Variants in TOP2B observed in about 807,000 individuals in gnomAD.
TOP2B encodes the protein DNA topoisomerase 2-beta.
TOP2B carries 51 observed loss-of-function variants against 193.5 expected under a neutral mutation model. The observed-to-expected ratio is 0.26, with a 90% confidence interval of 0.21 to 0.33. The LOEUF (loss-of-function observed/expected upper bound fraction) is 0.33, where lower values mean the gene tolerates loss of function less well. Ranked by LOEUF, TOP2B falls within the 10% of genes least tolerant of loss-of-function variation. TOP2B has a pLI of 1.00. For synonymous variants in TOP2B, 634 were observed against 635.7 expected, an observed-to-expected ratio of 1.00 and a Z score of 0.04; for missense variants, 1,378 against 1,909.3, an observed-to-expected ratio of 0.72 and a Z score of 5.19.
intron 1 of TOP2B, among the ~76,000 whole-genome samples, chr3:25,654,749 C>T (rs1159554107): frequency 6.6e-6 from 1 of 152,046 alleles, no homozygotes; most frequent in African/African-American, 2.4e-5. Flanking sequence ...GAAGAGAGAG[C>T]ACAGAAATAA....
In TOP2B at chr3:25,628,939, T is replaced by C. The variant is rs1702881664; in HGVS notation, c.1814A>G (p.Lys605Arg). Residue 605 changes from lysine (K) to arginine (R), a missense_variant, in exon 15 of 36, where the codon AAG (lysine) becomes AGG (arginine). Physicochemically the swap from Lys to Arg is conservative, Grantham distance 26. Around this residue, in one of 9 missense-constraint regions of TOP2B, gnomAD observed 379 missense variants for 615.1 expected, o/e 0.62. Transcript: ENST00000264331. Reference sequence around the variant, plus strand: ...AATACTGTAGAAGGAAAGTTCCTGCTTATTTTTGCTTGCCTTAAATTAATT... The same window carrying C: ...AATACTGTAGAAGGAAAGTTCCTGCCTATTTTTGCTTGCCTTAAATTAATT... ...ITPIVKASKN[K>R]QELSFYSIPE... 6.3e-7 allele frequency: 1 copy of C among 1,598,176 alleles called. No individual in the cohort carries two copies. The highest frequency in any genetic ancestry group is 1.4e-5 in the African/African-American group (1 of 73,874).
intron 27 of TOP2B, among the ~76,000 whole-genome samples, chr3:25,613,813 T>G (rs1178521401): frequency 2.0e-5 from 3 of 152,086 alleles, no homozygotes; most frequent in Non-Finnish European, 2.9e-5. Context: ...CCCCATTTTA[T>G]AGATGAGGAA....
chr3:25,619,746 A>G (rs1252756721), intron 23 of TOP2B, 116 bp downstream of exon 23: 3 of 711,158 alleles, frequency 4.2e-6, no homozygotes, highest in South Asian at 2.0e-5. Flanking sequence ...GGGAAAAAAA[A>G]AAAAAAAAAA....
chr3:25,659,776 CTG>C lies in TOP2B; in HGVS notation c.69+4451_69+4452del, dbSNP rs772904115. ...GGTATATCCCAGATGTCTCCTTATT[CTG>C]TCTTATCAGAGTATAAAAGATGAGT... On this transcript the variant is annotated intron_variant, in intron 1 of 35. Transcript: ENST00000264331. Among the ~76,000 whole-genome samples, 6 of 152,278 alleles carry C rather than the reference CTG, an allele frequency of 3.9e-5. No homozygotes were observed. In the East Asian group the frequency reaches 7.7e-4, roughly 20 times the overall value.
chr3:25,630,380 G>T lies in TOP2B; in HGVS notation c.1495C>A (p.Arg499=). ...AGTGGAAAAACTCCGTATCTGTCTC[G>T]TCCAATCACACCTAATCCAGACACA... The part of the protein sequence containing the change: ...LAVSGLGVIG[R]DRYGVFPLRG... Residue 499 remains arginine, a synonymous_variant, in exon 12 of 36, where the codon CGA becomes AGA. Coordinates refer to ENST00000264331, the MANE Select transcript of TOP2B (RefSeq NM_001330700.2). 1 of 1,551,484 alleles carries T rather than the reference G, an allele frequency of 6.4e-7. No homozygotes were observed. Among genetic ancestry groups the T allele is most frequent in the South Asian group, 1.2e-5 (1 of 84,050 alleles).
At chr3:25,619,811 G>A (rs1033890696) in intron 23 of TOP2B, 51 bp downstream of exon 23, 36 of 1,352,044 alleles carry the variant, frequency 2.7e-5, no homozygotes, top group African/African-American at 2.6e-4. Flanking sequence ...ATAATAATCC[G>A]ACTTATACCA....
intron 1 of TOP2B, 146 bp from the exon 2 acceptor site, chr3:25,645,616 C>T: frequency 1.6e-6 from 1 of 635,682 alleles, no homozygotes; most frequent in South Asian, 2.9e-5. Context: ...GGTCTATTTA[C>T]TGACCGTCTG....
chr3:25,601,927 C>T (rs965842420), intron 33 of TOP2B, among the ~76,000 whole-genome samples: 1 of 152,102 alleles, frequency 6.6e-6, no homozygotes, highest in South Asian at 2.1e-4. Context: ...TCCTCGAATA[C>T]AATGAATAGA....
intron 30 of TOP2B, 42 bp from the exon 31 acceptor site, chr3:25,607,417 G>T: frequency 6.5e-7 from 1 of 1,535,608 alleles, no homozygotes; most frequent in Non-Finnish European, 8.8e-7. Context: ...TCAAATCCTA[G>T]CTTTGTATAC....
At chr3:25,621,075 C>G (rs1251236760) in intron 21 of TOP2B, among the ~76,000 whole-genome samples, 2 of 152,204 alleles carry the variant, frequency 1.3e-5, no homozygotes, top group Non-Finnish European at 2.9e-5. Context: ...CCTACACCTA[C>G]TTCTCTCCTA....
intron 2 of TOP2B, 44 bp downstream of exon 2, chr3:25,645,256 T>G (rs138978210): frequency 6.9e-7 from 1 of 1,444,272 alleles, no homozygotes; most frequent in South Asian, 1.5e-5. Context: ...AAAGTAAATA[T>G]AGATGCACAT....
intron 23 of TOP2B, among the ~76,000 whole-genome samples, 168 bp downstream of exon 23, chr3:25,619,694 G>C (rs1275109696): frequency 8.5e-6 from 1 of 117,314 alleles, no homozygotes; most frequent in Admixed American, 9.8e-5. Flanking sequence ...AATACTAGAA[G>C]AAAGAAATGT....
intron 5 of TOP2B, 62 bp from the exon 6 acceptor site, chr3:25,637,374 T>G (rs1575579283): frequency 2.4e-6 from 3 of 1,254,038 alleles, no homozygotes; most frequent in East Asian, 5.1e-5. Context: ...CTTCGTTAAT[T>G]TACCACCATA....
chr3:25,613,075 A>G (rs1350410325), intron 27 of TOP2B, among the ~76,000 whole-genome samples: 1 of 152,198 alleles, frequency 6.6e-6, no homozygotes, highest in Non-Finnish European at 1.5e-5. Flanking sequence ...TCTGCTAATA[A>G]GTATGAAGTT....
intron 1 of TOP2B, 58 bp downstream of exon 1, chr3:25,664,171 C>T (rs1227776128): frequency 1.2e-5 from 18 of 1,534,602 alleles, no homozygotes; most frequent in Non-Finnish European, 1.6e-5. Flanking sequence ...TTCGGAATTC[C>T]GCCCCCGCCG....
chr3:25,642,126 C>T (rs914468025), intron 4 of TOP2B, among the ~76,000 whole-genome samples, 196 bp downstream of exon 4: 5 of 152,040 alleles, frequency 3.3e-5, no homozygotes, highest in African/African-American at 4.8e-5. Context: ...AAATGGTCTC[C>T]AAGAGCCCCG....
rs1200636968 is a variant in TOP2B, at chr3:25,664,343, C to G, written c.-46G>C. 1.4e-6 allele frequency: 2 copies of G among 1,428,052 alleles called. No homozygotes were observed. The highest frequency in any genetic ancestry group is 1.8e-6 in the Non-Finnish European group (2 of 1,100,954). 88.5% of individuals were successfully genotyped at this position (1,428,052 alleles called of 1,614,324 possible). A position where few individuals can be genotyped will look rare whatever the true frequency, so the allele number is the denominator to read the frequency against. On this transcript the variant is annotated 5_prime_UTR_variant, in exon 1 of 36. Transcript: ENST00000264331. ...AGGCCCTGAGGCCGCAGCCGCCGCT[C>G]CCGCCTCCCTGCGGGCCGCTGGGCC...
intron 1 of TOP2B, among the ~76,000 whole-genome samples, chr3:25,648,198 G>A (rs1385337537): frequency 6.6e-6 from 1 of 152,144 alleles, no homozygotes; most frequent in Non-Finnish European, 1.5e-5. Context: ...CAAAAGCAAA[G>A]TGCTTTGGTT....
chr3:25,662,934 T>A lies in TOP2B; in HGVS notation c.69+1295A>T, dbSNP rs1429086197. 2.6e-5 allele frequency among the ~76,000 whole-genome samples: 4 copies of A among 152,212 alleles called. No individual in the cohort carries two copies. In the East Asian group the frequency reaches 7.7e-4, roughly 29 times the overall value. On this transcript the variant is annotated intron_variant, in intron 1 of 35. Transcript: ENST00000264331. ...AAAGTCATTATTTTGCATGTATGTG[T>A]CCATCTCCTCCTTCTTCCTCTCACA...
Sources: gnomAD v4.1 joint callset for allele counts (sites outside exome capture counted in the v4.1 genomes callset) on GRCh38, gnomAD v4.1.1 for gene constraint, gnomAD v4.1.1 regional missense constraint, MANE v1.5 for transcripts, NCBI Gene and HGNC (gene_info 2026-07-23, HGNC 2026-07-21) for gene names.